CD47: variants seen among roughly 807,000 people sequenced by gnomAD.
CD47 encodes the protein CD47 molecule.
CD47 carries 11 observed loss-of-function variants against 44.6 expected under a neutral mutation model. The observed-to-expected ratio is 0.25, with a 90% CI of 0.16 to 0.41. The LOEUF (loss-of-function observed/expected upper bound fraction) is 0.41, where lower values mean the gene tolerates loss of function less well. Ranked by LOEUF, CD47 falls within the 10% of genes least tolerant of loss-of-function variation. The probability of loss-of-function intolerance (pLI) is 1.00; values close to 1 mark genes in which losing one functional copy is unlikely to be tolerated. For synonymous variants in CD47, 140 were observed against 136.3 expected (o/e 1.03, Z -0.19); for missense variants, 306 against 386.7 (o/e 0.79, Z 1.75).
intron 1 of CD47, among the ~76,000 whole-genome samples, chr3:108,080,630 CATGCAGGTGTAGT>C (rs2079399529): frequency 6.6e-6 from 1 of 151,864 alleles, no homozygotes; most frequent in African/African-American, 2.4e-5. Flanking sequence ...TATGTTGGAA[CATGCAGGTGTAGT>C]ATCTGGCTTT....
rs148180727 is a variant in CD47 at position 108,057,051 on chromosome 3, A to T, written c.877+426T>A. On this transcript the variant is annotated intron_variant, in intron 7 of 10. Coordinates refer to ENST00000361309, the MANE Select transcript of CD47 (RefSeq NM_001777.4). ...AAGAAAAAGAGCAAGTGACAAACAA[A>T]CAGGTCTGTGCAGGACAGCTCTATC... 7.1e-3 allele frequency among the ~76,000 whole-genome samples: 1,085 copies of T among 152,284 alleles called. 13 individuals are homozygous for T. Among genetic ancestry groups the T allele is most frequent in the African/African-American group, 0.025 (1,040 of 41,574 alleles).
intron 1 of CD47, among the ~76,000 whole-genome samples, chr3:108,084,600 C>T (rs948102711): frequency 9.9e-5 from 15 of 152,100 alleles, no homozygotes; most frequent in African/African-American, 3.6e-4. Flanking sequence ...AGCCAACTGT[C>T]TGCTGTGCAC....
In CD47 at chr3:108,060,767, A is replaced by C. The variant is rs767060992; in HGVS notation, c.576T>G (p.Val192=). 9.0e-4 allele frequency: 1,456 copies of C among 1,613,216 alleles called. 1 individual carries two copies. The highest frequency in any genetic ancestry group is 1.1e-3 in the Non-Finnish European group (1,309 of 1,179,286). The change falls in exon 4 of 11, where the codon GTT becomes GTG. Residue 192 remains valine, a synonymous_variant. Transcript: ENST00000361309. Reference sequence around the variant, plus strand: ...TACCTGGGACGAAAAGAATGGCTCCAACAATGACAATGACAGTGATCACTA... The same window carrying C: ...TACCTGGGACGAAAAGAATGGCTCCCACAATGACAATGACAGTGATCACTA... ...AGLVITVIVI[V]GAILFVPGEY... is the part of the protein sequence containing the mutation.
chr3:108,090,757 C>T, intron 1 of CD47, 106 bp downstream of exon 1: 1 of 1,061,638 alleles, frequency 9.4e-7, no homozygotes, highest in Non-Finnish European at 1.3e-6. Context: ...GTTCTGCGCC[C>T]CGGCCACCCT....
At chr3:108,051,126 T>C (rs1456608348) in intron 8 of CD47, among the ~76,000 whole-genome samples, 3 of 152,196 alleles carry the variant, frequency 2.0e-5, no homozygotes, top group Admixed American at 1.3e-4. Context: ...ACCTGCCCTT[T>C]AGGCACAATG....
At chr3:108,082,267 TAC>T (rs1393026172) in intron 1 of CD47, among the ~76,000 whole-genome samples, 1 of 151,974 alleles carries the variant, frequency 6.6e-6, no homozygotes, top group Non-Finnish European at 1.5e-5. Context: ...TGGGCTGTTT[TAC>T]AGTTTCATAA....
chr3:108,060,816 G>T lies in CD47; in HGVS notation c.527C>A (p.Thr176Lys). 6.2e-7 allele frequency: 1 copy of T among 1,613,110 alleles called. No homozygotes were observed. The highest frequency in any genetic ancestry group is 8.5e-7 in the Non-Finnish European group (1 of 1,179,300). Residue 176 changes from threonine (T) to lysine (K), a missense_variant, in exon 4 of 11, where the codon ACA becomes AAA. Physicochemically the swap from Thr to Lys is moderately conservative, Grantham distance 78. Around this residue, in one of 5 missense-constraint regions of CD47, gnomAD observed 65 missense variants for 119.9 expected, o/e 0.54. Transcript: ENST00000361309. ...TAGTCCAGCAACAAGTAAAGCAATT[G>T]TTTTCTCATCCATACCACCGGATCT... ...KYRSGGMDEK[T>K]IALLVAGLVI...
intron 1 of CD47, 80 bp downstream of exon 1, chr3:108,090,783 G>A (rs1449382229): frequency 6.9e-6 from 9 of 1,312,528 alleles, no homozygotes; most frequent in Middle Eastern, 2.7e-4. Context: ...GGGCGCCGCC[G>A]GGCTGGCTGG....
At chr3:108,087,797 T>C (rs2079550595) in intron 1 of CD47, among the ~76,000 whole-genome samples, 1 of 152,190 alleles carries the variant, frequency 6.6e-6, no homozygotes, top group African/African-American at 2.4e-5. Context: ...AATGAAATAT[T>C]CAGAGGTGGG....
At chr3:108,050,337 C>T (rs2078804561) in intron 9 of CD47, among the ~76,000 whole-genome samples, 2 of 152,126 alleles carry the variant, frequency 1.3e-5, no homozygotes, top group African/African-American at 4.8e-5. Context: ...AGGATGGTCT[C>T]AATCTCTTGA....
At chr3:108,085,320 T>G (rs1409366880) in intron 1 of CD47, among the ~76,000 whole-genome samples, 1 of 152,148 alleles carries the variant, frequency 6.6e-6, no homozygotes, top group Non-Finnish European at 1.5e-5. Flanking sequence ...ATTCACCTCA[T>G]GTACTTCTTA....
intron 3 of CD47, among the ~76,000 whole-genome samples, chr3:108,064,595 A>G (rs549215624): frequency 6.6e-6 from 1 of 152,256 alleles, no homozygotes; most frequent in Non-Finnish European, 1.5e-5. Context: ...ATGACACCCC[A>G]AAGACTGGAT....
At chr3:108,084,532 C>G (rs1449401849) in intron 1 of CD47, among the ~76,000 whole-genome samples, 1 of 152,068 alleles carries the variant, frequency 6.6e-6, no homozygotes, top group Non-Finnish European at 1.5e-5. Context: ...CACCTGCAAA[C>G]TTTTAAATAA....
rs745729168 is a variant in CD47 at position 108,058,448 on chromosome 3, T to C, written c.692-19A>G. Reference sequence around the variant, plus strand: ...CCAATCGCTGGAGGAAGGAAAAGGATGTAACAGAAGCATGTCAAGAGTATT... The same window carrying C: ...CCAATCGCTGGAGGAAGGAAAAGGACGTAACAGAAGCATGTCAAGAGTATT... On this transcript the variant is annotated intron_variant, in intron 5 of 10. Coordinates refer to ENST00000361309, the MANE Select transcript of CD47 (RefSeq NM_001777.4). The C allele has an allele frequency of 6.7e-7, 1 of 1,493,580 alleles. No individual in the cohort carries two copies. The highest frequency in any genetic ancestry group is 1.2e-5 in the South Asian group (1 of 82,164). 92.5% of individuals were successfully genotyped at this position (1,493,580 alleles called of 1,614,324 possible). A position where few individuals can be genotyped will look rare whatever the true frequency, so the allele number is the denominator to read the frequency against.
chr3:108,070,309 AG>A (rs2079177189), intron 3 of CD47, among the ~76,000 whole-genome samples: 1 of 152,228 alleles, frequency 6.6e-6, no homozygotes, highest in Non-Finnish European at 1.5e-5. Flanking sequence ...GGATGCTACA[AG>A]GAAAGAAGGA....
intron 3 of CD47, among the ~76,000 whole-genome samples, chr3:108,062,477 T>C (rs1341872855): frequency 6.6e-6 from 1 of 152,160 alleles, no homozygotes; most frequent in Non-Finnish European, 1.5e-5. Context: ...CTGTTTCAAA[T>C]GCACCTCACA....
chr3:108,047,408 G>C, intron 10 of CD47, 116 bp from the exon 11 acceptor site: 3 of 631,252 alleles, frequency 4.8e-6, no homozygotes, highest in Non-Finnish European at 7.8e-6. Flanking sequence ...TAAGAAAATA[G>C]ACCTGCAAAG....
intron 3 of CD47, among the ~76,000 whole-genome samples, chr3:108,061,440 T>G (rs1192073868): frequency 6.6e-6 from 1 of 152,070 alleles, no homozygotes; most frequent in Non-Finnish European, 1.5e-5. Context: ...TTATTTTGTT[T>G]TGAAAAAAAT....
chr3:108,064,823 T>C (rs1272968088), intron 3 of CD47, among the ~76,000 whole-genome samples: 2 of 152,224 alleles, frequency 1.3e-5, no homozygotes, highest in African/African-American at 4.8e-5. Flanking sequence ...CTGATAACTC[T>C]AGGAAAGTAA....
Sources: allele counts gnomAD v4.1 joint callset (sites outside exome capture counted in the v4.1 genomes callset), GRCh38; gene constraint gnomAD v4.1.1; regional missense constraint gnomAD v4.1.1; transcripts MANE v1.5; gene names NCBI Gene and HGNC (gene_info 2026-07-23, HGNC 2026-07-21).